DPP4: variants seen among roughly 807,000 people sequenced by gnomAD.
DPP4 encodes the protein ADCP-2.
DPP4 carries 93 observed loss-of-function variants against 122.4 expected under a neutral mutation model. The ratio of observed to expected loss-of-function variants is 0.76; its 90% CI spans 0.64 to 0.90. DPP4 has a LOEUF of 0.90. Among genes scored for constraint, DPP4 ranks in the 40% least tolerant of loss-of-function variants. DPP4 has a pLI of 0.00. For synonymous variants in DPP4, 321 were observed against 302.9 expected (o/e 1.06, Z -0.62); for missense variants, 914 against 907.3 (o/e 1.01, Z -0.09).
chr2:162,021,284 G>A (rs1178262406), intron 12 of DPP4, among the ~76,000 whole-genome samples: 3 of 151,900 alleles, frequency 2.0e-5, no homozygotes, highest in South Asian at 2.1e-4. Context: ...TTTTCATTTT[G>A]TTAAATATGA....
At position 162,008,671 on chromosome 2, in the gene DPP4, G is replaced by A; in HGVS notation, c.1888-10C>T. The stretch of plus-strand genomic sequence containing the variant: ...CGTACCCTCCATATGACTAAGGAAT[G>A]GAAACAGTTATTTTTATGGAGGTAA... On this transcript the variant is annotated splice_polypyrimidine_tract_variant and intron_variant, in intron 21 of 25. Coordinates refer to ENST00000360534, the MANE Select transcript of DPP4 (RefSeq NM_001935.4). 1.2e-6 allele frequency: 2 copies of A among 1,608,670 alleles called. No individual in the cohort carries two copies. The highest frequency in any genetic ancestry group is 1.7e-6 in the Non-Finnish European group (2 of 1,175,272).
At chr2:162,031,623 C>T (rs539250353) in intron 10 of DPP4, among the ~76,000 whole-genome samples, 2 of 152,228 alleles carry the variant, frequency 1.3e-5, no homozygotes, top group Non-Finnish European at 2.9e-5. Context: ...CCTCACTGCA[C>T]CCTGCTGGAA....
intron 10 of DPP4, among the ~76,000 whole-genome samples, chr2:162,032,672 C>A (rs900084601): frequency 6.6e-6 from 1 of 150,984 alleles, no homozygotes; most frequent in Non-Finnish European, 1.5e-5. Context: ...GAGCAAGACT[C>A]TGTCTCAAAA....
chr2:162,001,916 G>C (rs917471414), intron 23 of DPP4, among the ~76,000 whole-genome samples: 1 of 152,168 alleles, frequency 6.6e-6, no homozygotes, highest in East Asian at 1.9e-4. Flanking sequence ...CTTGAGGTGG[G>C]GGGGATGAAC....
In DPP4 at chr2:161,992,857, C is replaced by T; in HGVS notation, c.*426G>A. On this transcript the variant is annotated 3_prime_UTR_variant, in exon 26 of 26. Transcript: ENST00000360534. The stretch of plus-strand genomic sequence containing the variant: ...CCAGCCATGCCCTGCTATCTTCTCT[C>T]CCTAATCCCTCTTATCCTGTCCCTG... The T allele has an allele frequency of 6.1e-6, 1 of 163,926 alleles. No homozygotes were observed. 10.2% of individuals were successfully genotyped at this position (163,926 alleles called of 1,614,324 possible).
intron 18 of DPP4, 87 bp downstream of exon 18, chr2:162,016,681 G>A (rs1165985956): frequency 2.4e-6 from 2 of 828,814 alleles, no homozygotes; most frequent in Non-Finnish European, 3.7e-6. Flanking sequence ...TATATAATAT[G>A]AAATACATAT....
rs201958832 is a variant in DPP4 at position 161,992,752 on chromosome 2, G to T, written c.*531C>A. 1 of 153,236 alleles carries T rather than the reference G, an allele frequency of 6.5e-6. No individual in the cohort carries two copies. Among genetic ancestry groups the T allele is most frequent in the Admixed American group, 6.5e-5 (1 of 15,400 alleles). 9.5% of individuals were successfully genotyped at this position (153,236 alleles called of 1,614,324 possible). A position where few individuals can be genotyped will look rare whatever the true frequency, so the allele number is the denominator to read the frequency against. On this transcript the variant is annotated 3_prime_UTR_variant, in exon 26 of 26. Coordinates refer to ENST00000360534, the MANE Select transcript of DPP4 (RefSeq NM_001935.4). ...TGAATAGTCTTTCTCAGAAAACTGTGCCAGTCTGGCTGTGAACAGCTCTTC... is the reference window on the plus strand; with the variant it reads ...TGAATAGTCTTTCTCAGAAAACTGTTCCAGTCTGGCTGTGAACAGCTCTTC...
chr2:162,014,384 T>G lies in DPP4; in HGVS notation c.1637+12A>C. The G allele has an allele frequency of 6.2e-7, 1 of 1,600,446 alleles. No individual in the cohort carries two copies. Among genetic ancestry groups the G allele is most frequent in the Non-Finnish European group, 8.5e-7 (1 of 1,170,590 alleles). ...AATACTTCTAAATTGCTCCCTTCTC[T>G]TGAATACTTACACATCTAATAGTAG... is the stretch of plus-strand genomic sequence containing the variant. On this transcript the variant is annotated intron_variant, in intron 19 of 25. Coordinates refer to ENST00000360534, the MANE Select transcript of DPP4 (RefSeq NM_001935.4).
intron 5 of DPP4, among the ~76,000 whole-genome samples, chr2:162,044,421 TGTTGGTGGGTGAGTGTTGGTGTGTGAGC>T (rs1684102721): frequency 6.7e-6 from 1 of 149,928 alleles, no homozygotes. Context: ...GGTGTGTGAG[TGTTGGTGGGTGAGTGTTGGTGTGTGAGC>T]GTTGGTGTGT....
At chr2:162,016,351 C>T (rs1211000402) in intron 18 of DPP4, among the ~76,000 whole-genome samples, 1 of 152,186 alleles carries the variant, frequency 6.6e-6, no homozygotes, top group Non-Finnish European at 1.5e-5. Flanking sequence ...AATTTATCTT[C>T]TGAGACTGAA....
At chr2:162,052,144 C>A (rs947161632) in intron 2 of DPP4, among the ~76,000 whole-genome samples, 1 of 151,806 alleles carries the variant, frequency 6.6e-6, no homozygotes, top group Non-Finnish European at 1.5e-5. Context: ...CATGGAGAAA[C>A]CCTGTCTCTG....
At position 162,039,174 on chromosome 2, in the gene DPP4, T is replaced by A; in HGVS notation, c.377A>T (p.His126Leu). The change falls in exon 6 of 26, where the codon CAT becomes CTT. Residue 126 changes from histidine to leucine, a missense_variant. Physicochemically the swap from His to Leu is moderately conservative, Grantham distance 99. Coordinates refer to ENST00000360534, the MANE Select transcript of DPP4 (RefSeq NM_001935.4). ...LEYNYVKQWR[H>L]SYTASYDIYD... ...AATGTCATATGAAGCTGTGTAGGAA[T>A]GCCTCCATTGCTATGAAAGAAAACA... is the stretch of plus-strand genomic sequence containing the variant. 6.2e-7 allele frequency: 1 copy of A among 1,612,692 alleles called. No homozygotes were observed.
chr2:161,999,160 C>A (rs1203776150), intron 23 of DPP4, among the ~76,000 whole-genome samples: 1 of 152,120 alleles, frequency 6.6e-6, no homozygotes, highest in African/African-American at 2.4e-5. Flanking sequence ...ATTGATCATT[C>A]CCTACTCAAC....
At chr2:162,013,089 T>TA (rs1361235616) in intron 19 of DPP4, among the ~76,000 whole-genome samples, 2 of 151,654 alleles carry the variant, frequency 1.3e-5, no homozygotes, top group Non-Finnish European at 2.9e-5. Flanking sequence ...TAATATTAGG[T>TA]ATATATATCA....
chr2:162,060,168 A>AT (rs1400111998), intron 2 of DPP4, among the ~76,000 whole-genome samples: 3 of 152,168 alleles, frequency 2.0e-5, no homozygotes, highest in South Asian at 2.1e-4. Context: ...CTTTCTTGGC[A>AT]TTTTTTTGTG....
chr2:162,011,641 A>G, intron 20 of DPP4, 152 bp downstream of exon 20: 2 of 735,276 alleles, frequency 2.7e-6, no homozygotes, highest in Admixed American at 2.9e-5. Context: ...TTATTTAAAC[A>G]TAACATCTTC....
At chr2:162,007,450 A>T (rs943363938) in intron 22 of DPP4, among the ~76,000 whole-genome samples, 3 of 152,068 alleles carry the variant, frequency 2.0e-5, no homozygotes, top group Admixed American at 1.3e-4. Context: ...TAAACTTTTA[A>T]AAAAATATGC....
At chr2:162,072,082 T>C (rs529922392) in intron 2 of DPP4, among the ~76,000 whole-genome samples, 1 of 152,362 alleles carries the variant, frequency 6.6e-6, no homozygotes, top group East Asian at 1.9e-4. Context: ...GTTTGCATGT[T>C]CCCACTAGCT....
intron 23 of DPP4, among the ~76,000 whole-genome samples, chr2:161,996,815 G>GA (rs898494474): frequency 6.6e-6 from 1 of 151,980 alleles, no homozygotes; most frequent in Non-Finnish European, 1.5e-5. Flanking sequence ...ATATGTAGAG[G>GA]AAAAAAACCA....
Sources: allele counts gnomAD v4.1 joint callset (sites outside exome capture counted in the v4.1 genomes callset), GRCh38; gene constraint gnomAD v4.1.1; transcripts MANE v1.5; gene names NCBI Gene and HGNC (gene_info 2026-07-23, HGNC 2026-07-21).